Variants in MEAF6 observed in about 807,000 individuals in gnomAD.
MEAF6 encodes chromatin modification-related protein MEAF6.
In MEAF6, 15 loss-of-function variants were observed where a neutral mutation model predicts 28.9. The ratio of observed to expected loss-of-function variants is 0.52; its 90% CI spans 0.35 to 0.80. The LOEUF (loss-of-function observed/expected upper bound fraction) is 0.80. Among genes scored for constraint, MEAF6 ranks in the 30% least tolerant of loss-of-function variants. The pLI is 0.01. For synonymous variants in MEAF6, 97 were observed against 88.7 expected (o/e 1.09, Z -0.53); for missense variants, 178 against 237.5 (o/e 0.75, Z 1.65).
chr1:37,491,680 C>T lies in MEAF6; in HGVS notation c.*2419G>A, dbSNP rs1641933418. 6.6e-6 allele frequency among the ~76,000 whole-genome samples: 1 copy of T among 150,552 alleles called. No homozygotes were observed. Among genetic ancestry groups the T allele is most frequent in the Non-Finnish European group, 1.5e-5 (1 of 67,754 alleles). On this transcript the variant is annotated 3_prime_UTR_variant, in exon 7 of 7. Coordinates refer to ENST00000296214, the MANE Select transcript of MEAF6 (RefSeq NM_001270875.3). ...GGCCGCTGCACTCCAGCCTGGGTGA[C>T]AGAGCAAGATCCTGTCAATAAATAA... is the stretch of plus-strand genomic sequence containing the variant.
intron 4 of MEAF6, among the ~76,000 whole-genome samples, chr1:37,508,036 AT>A (rs1275638678): frequency 6.6e-6 from 1 of 152,168 alleles, no homozygotes; most frequent in Non-Finnish European, 1.5e-5. Flanking sequence ...GTACACAGTA[AT>A]ACCGAGAACA....
chr1:37,510,077 A>AT (rs958473140), intron 2 of MEAF6, among the ~76,000 whole-genome samples: 9,562 of 133,344 alleles, frequency 0.072, 400 homozygotes, highest in Non-Finnish European at 0.093. Context: ...GCGCCCAGAC[A>AT]TTTTTTTTTT....
chr1:37,502,364 C>T (rs1389189871), intron 4 of MEAF6, among the ~76,000 whole-genome samples: 1 of 152,052 alleles, frequency 6.6e-6, no homozygotes, highest in African/African-American at 2.4e-5. Context: ...GCATGAGATA[C>T]TGTGCCTGAT....
At chr1:37,512,810 T>G (rs1267596639) in intron 2 of MEAF6, among the ~76,000 whole-genome samples, 1 of 152,162 alleles carries the variant, frequency 6.6e-6, no homozygotes, top group East Asian at 1.9e-4. Context: ...GAGGATCACT[T>G]CAGCCCAGGA....
intron 5 of MEAF6, among the ~76,000 whole-genome samples, chr1:37,496,294 G>A (rs1419251498): frequency 6.6e-6 from 1 of 152,178 alleles, no homozygotes; most frequent in Admixed American, 6.6e-5. Flanking sequence ...GACACATGGT[G>A]ATTAACAACA....
intron 4 of MEAF6, among the ~76,000 whole-genome samples, chr1:37,507,690 C>T (rs937775176): frequency 2.0e-5 from 3 of 151,818 alleles, no homozygotes; most frequent in Non-Finnish European, 1.5e-5. Flanking sequence ...GAAGGAAATG[C>T]AGGATTCAGG....
intron 5 of MEAF6, among the ~76,000 whole-genome samples, chr1:37,498,333 G>A (rs533191434): frequency 2.5e-3 from 384 of 152,020 alleles, no homozygotes; most frequent in African/African-American, 8.5e-3. Context: ...ACTGTATCTA[G>A]TTAATCAAAA....
chr1:37,510,381 A>ATTTTTTTTTTTTTTTTTTTTTTTT (rs34785696), intron 2 of MEAF6, among the ~76,000 whole-genome samples: 1 of 95,014 alleles, frequency 1.1e-5, no homozygotes, highest in Non-Finnish European at 1.9e-5. Flanking sequence ...GCACCTAGCC[A>ATTTTTTTTTTTTTTTTTTTTTTTT]TTTTTTTTTT....
intron 4 of MEAF6, among the ~76,000 whole-genome samples, chr1:37,504,182 T>C (rs1465267159): frequency 5.3e-5 from 8 of 152,178 alleles, no homozygotes; most frequent in Admixed American, 5.2e-4. Flanking sequence ...TTCTCTCTCC[T>C]ACTGCCTTGT....
chr1:37,510,520 T>G (rs1642634444), intron 2 of MEAF6, among the ~76,000 whole-genome samples: 2 of 150,572 alleles, frequency 1.3e-5, no homozygotes, highest in South Asian at 4.2e-4. Context: ...TAGCTGGGAC[T>G]ACAGGCGCAC....
chr1:37,502,399 T>TGTG lies in MEAF6; in HGVS notation c.341-404_341-403insCAC, dbSNP rs538041868. ...TCTATAGTCTTAAAAATATATATGTTTACACAAGTTGTTATTGAGTTTGCT... is the reference window on the plus strand; with the variant it reads ...TCTATAGTCTTAAAAATATATATGTTGTGTACACAAGTTGTTATTGAGTTTGCT... On this transcript the variant is annotated intron_variant, in intron 4 of 6. Coordinates refer to ENST00000296214, the MANE Select transcript of MEAF6 (RefSeq NM_001270875.3). 1.3e-4 allele frequency among the ~76,000 whole-genome samples: 20 copies of TGTG among 152,150 alleles called. No individual in the cohort carries two copies. In the East Asian group the frequency reaches 3.7e-3, roughly 28 times the overall value.
intron 4 of MEAF6, among the ~76,000 whole-genome samples, chr1:37,504,628 C>T (rs1330230689): frequency 2.0e-5 from 3 of 151,318 alleles, no homozygotes; most frequent in Non-Finnish European, 2.9e-5. Flanking sequence ...AAAAATTAGC[C>T]GGGCATGGTG....
intron 3 of MEAF6, 28 bp downstream of exon 3, chr1:37,509,427 G>A (rs536826522): frequency 6.2e-7 from 1 of 1,611,338 alleles, no homozygotes; most frequent in African/African-American, 1.3e-5. Context: ...ACAGGCCAAA[G>A]AAAGATTCCC....
In MEAF6 at chr1:37,490,437, T is replaced by C. The variant is rs369319189; in HGVS notation, c.*3662A>G. ...ATCACCTTCCTAGGCACTATGACAC[T>C]ATCCTGGGAGAAGCAAATGTGTACA... On this transcript the variant is annotated 3_prime_UTR_variant, in exon 7 of 7. Transcript: ENST00000296214. Among the ~76,000 whole-genome samples the C allele has an allele frequency of 6.6e-6, 1 of 152,134 alleles. No homozygotes were observed. Among genetic ancestry groups the C allele is most frequent in the East Asian group, 1.9e-4 (1 of 5,188 alleles).
chr1:37,514,400 C>A (rs959123880), intron 1 of MEAF6: 21 of 264,686 alleles, frequency 7.9e-5, no homozygotes, highest in Admixed American at 1.1e-4. Flanking sequence ...CGTCCTCCCT[C>A]CACGCCCCCT....
At chr1:37,510,534 A>G (rs1642635227) in intron 2 of MEAF6, among the ~76,000 whole-genome samples, 1 of 150,832 alleles carries the variant, frequency 6.6e-6, no homozygotes, top group African/African-American at 2.4e-5. Context: ...GGCGCACCCC[A>G]CCATGCCCGG....
Position 37,493,635 on chromosome 1 carries a change from A to T in MEAF6, c.*464T>A. On this transcript the variant is annotated 3_prime_UTR_variant, in exon 7 of 7. Coordinates refer to ENST00000296214, the MANE Select transcript of MEAF6 (RefSeq NM_001270875.3). ...AAAAAACCCCAAAGAAAATAAGATA[A>T]AAACAACAAGAGAAAAACAAGAAAA... 1.2e-6 allele frequency: 1 copy of T among 816,916 alleles called. No homozygotes were observed. Among genetic ancestry groups the T allele is most frequent in the South Asian group, 1.6e-5 (1 of 61,362 alleles). 50.6% of individuals were successfully genotyped at this position (816,916 alleles called of 1,614,324 possible).
At chr1:37,506,553 G>C (rs1261556271) in intron 4 of MEAF6, among the ~76,000 whole-genome samples, 1 of 151,908 alleles carries the variant, frequency 6.6e-6, no homozygotes, top group Non-Finnish European at 1.5e-5. Flanking sequence ...GTTTTGTTTT[G>C]TTTTGTTTTT....
At chr1:37,505,233 A>T (rs779523211) in intron 4 of MEAF6, among the ~76,000 whole-genome samples, 11 of 152,212 alleles carry the variant, frequency 7.2e-5, no homozygotes, top group African/African-American at 1.2e-4. Flanking sequence ...TAGGAAGAGA[A>T]TTTAAATTGA....
Sources: allele counts gnomAD v4.1 joint callset (sites outside exome capture counted in the v4.1 genomes callset), GRCh38; gene constraint gnomAD v4.1.1; transcripts MANE v1.5; gene names NCBI Gene and HGNC (gene_info 2026-07-23, HGNC 2026-07-21).